Variants in ASAP2 observed in about 807,000 individuals in gnomAD.
The protein encoded by ASAP2 is ArfGAP with SH3 domain, ankyrin repeat and PH domain 2.
ASAP2 carries 45 observed loss-of-function variants against 131.4 expected under a neutral mutation model. The observed-to-expected ratio is 0.34, with a 90% CI of 0.27 to 0.44. The LOEUF (loss-of-function observed/expected upper bound fraction) is 0.44, where lower values mean the gene tolerates loss of function less well. Ranked by LOEUF, ASAP2 falls within the 20% of genes least tolerant of loss-of-function variation. ASAP2 has a pLI of 1.00. For synonymous variants in ASAP2, 510 were observed against 503.0 expected (o/e 1.01, Z -0.19); for missense variants, 1,011 against 1,297.0 (o/e 0.78, Z 3.39).
In ASAP2 at chr2:9,401,252, G is replaced by T. The variant is rs11682319; in HGVS notation, c.2824-22G>T. On this transcript the variant is annotated intron_variant, in intron 26 of 27. Transcript: ENST00000281419. The stretch of plus-strand genomic sequence containing the variant: ...GCTGAGGCCTGCAGCCACACTAACC[G>T]TTGTTCCCTCTCCTGACCCAGACCA... 0.027 allele frequency: 43,100 copies of T among 1,612,890 alleles called. 4,078 individuals are homozygous for T. The African/African-American group carries it at 0.29, about 11-fold the overall frequency.
chr2:9,369,234 G>T (rs1673740868), intron 16 of ASAP2, among the ~76,000 whole-genome samples: 2 of 152,178 alleles, frequency 1.3e-5, no homozygotes, highest in Admixed American at 1.3e-4. Context: ...GGCCAGGCTG[G>T]ACTCGAACTC....
chr2:9,378,086 C>T (rs556400101), intron 18 of ASAP2, among the ~76,000 whole-genome samples: 2 of 152,216 alleles, frequency 1.3e-5, no homozygotes, highest in South Asian at 4.2e-4. Context: ...ATGAAACACA[C>T]CCCCCGCTCC....
In ASAP2 at chr2:9,237,573, G is replaced by A. The variant is rs563801443; in HGVS notation, c.126+30343G>A. ...ACTACAGGTACATGCCACCATGCCT[G>A]GCTAATTACTTTTATTTTTATTTTT... On this transcript the variant is annotated intron_variant, in intron 1 of 27. Transcript: ENST00000281419. Among the ~76,000 whole-genome samples the A allele has an allele frequency of 2.2e-3, 328 of 152,088 alleles. 1 individual carries two copies. The highest frequency in any genetic ancestry group is 0.014 in the Middle Eastern group (4 of 294).
intron 1 of ASAP2, among the ~76,000 whole-genome samples, chr2:9,277,045 A>G (rs1666804531): frequency 6.6e-6 from 1 of 152,192 alleles, no homozygotes; most frequent in African/African-American, 2.4e-5. Flanking sequence ...GCTGGAGCCA[A>G]TGGCAAAGCC....
chr2:9,320,192 T>C, intron 4 of ASAP2, 96 bp from the exon 5 acceptor site: 1 of 1,014,086 alleles, frequency 9.9e-7, no homozygotes, highest in South Asian at 1.4e-5. Context: ...TTGCAGAAAT[T>C]AATGCTCCTT....
intron 1 of ASAP2, among the ~76,000 whole-genome samples, chr2:9,248,173 G>A (rs1477354153): frequency 6.6e-6 from 1 of 152,242 alleles, no homozygotes; most frequent in Non-Finnish European, 1.5e-5. Flanking sequence ...GGCCATCAGT[G>A]TGGTGGCCAG....
At position 9,334,762 on chromosome 2, in the gene ASAP2, C is replaced by G. The variant is rs199972994; in HGVS notation, c.711C>G (p.Ala237=). The G allele has an allele frequency of 1.2e-6, 2 of 1,614,064 alleles. No homozygotes were observed. The highest frequency in any genetic ancestry group is 2.2e-5 in the East Asian group (1 of 44,884). ...QCNFFQDGLK[A]VESLKPSIET... is the part of the protein sequence containing the mutation. ...GTTTTTTTCAGGATGGACTCAAAGCCGTGGAAAGCCTCAAACCTTCCATTG... is the reference window on the plus strand; with the variant it reads ...GTTTTTTTCAGGATGGACTCAAAGCGGTGGAAAGCCTCAAACCTTCCATTG... The change falls in exon 8 of 28, where the codon GCC becomes GCG. Residue 237 remains alanine, a synonymous_variant. Transcript: ENST00000281419.
intron 7 of ASAP2, among the ~76,000 whole-genome samples, chr2:9,333,881 A>G (rs1558340266): frequency 6.6e-6 from 1 of 152,034 alleles, no homozygotes; most frequent in Non-Finnish European, 1.5e-5. Flanking sequence ...ACCTCACAGC[A>G]TTGAGTTCTC....
At chr2:9,313,523 C>G (rs1669450574) in intron 3 of ASAP2, among the ~76,000 whole-genome samples, 3 of 152,226 alleles carry the variant, frequency 2.0e-5, no homozygotes, top group Admixed American at 2.0e-4. Flanking sequence ...CACAACCCAC[C>G]TTATCACTGG....
At chr2:9,399,919 A>G in intron 24 of ASAP2, 104 bp from the exon 25 acceptor site, 2 of 1,203,964 alleles carry the variant, frequency 1.7e-6, no homozygotes, top group Admixed American at 3.8e-5. Flanking sequence ...AAACCACCTC[A>G]CACACTCTGA....
chr2:9,362,229 G>C (rs913119652), intron 15 of ASAP2, among the ~76,000 whole-genome samples: 46 of 152,076 alleles, frequency 3.0e-4, no homozygotes, highest in African/African-American at 1.1e-3. Flanking sequence ...GCTTATTGAA[G>C]TATGTTTTAT....
chr2:9,295,024 G>T (rs972097250), intron 2 of ASAP2, among the ~76,000 whole-genome samples: 3 of 152,146 alleles, frequency 2.0e-5, no homozygotes, highest in African/African-American at 7.2e-5. Flanking sequence ...TTTTGAGATA[G>T]TTTAAAAATA....
At chr2:9,221,643 A>C (rs985090466) in intron 1 of ASAP2, among the ~76,000 whole-genome samples, 5 of 151,910 alleles carry the variant, frequency 3.3e-5, no homozygotes, top group African/African-American at 9.7e-5. Flanking sequence ...TTGTATATTG[A>C]TCTTATGGCC....
At position 9,389,014 on chromosome 2, in the gene ASAP2, C is replaced by T. The variant is rs577638925; in HGVS notation, c.2383+468C>T. On this transcript the variant is annotated intron_variant, in intron 22 of 27. Coordinates refer to ENST00000281419, the MANE Select transcript of ASAP2 (RefSeq NM_003887.3). The surrounding 1 kb of genome is among the most constrained non-coding windows in gnomAD (Gnocchi z 4.7). ...ATAAAAGATATTGGGGAACGATGCT[C>T]GGCCTAATTGTAAAATACAAAACCA... Among the ~76,000 whole-genome samples the T allele has an allele frequency of 3.3e-5, 5 of 152,308 alleles. No homozygotes were observed. The highest frequency in any genetic ancestry group is 9.6e-5 in the African/African-American group (4 of 41,562).
chr2:9,278,617 A>T (rs1253006453), intron 1 of ASAP2, among the ~76,000 whole-genome samples: 1 of 152,160 alleles, frequency 6.6e-6, no homozygotes, highest in African/African-American at 2.4e-5. Flanking sequence ...CGTTGAACAG[A>T]TAACTGTTTG....
At chr2:9,357,593 G>C (rs1051960578) in intron 14 of ASAP2, among the ~76,000 whole-genome samples, 11 of 152,136 alleles carry the variant, frequency 7.2e-5, no homozygotes, top group Admixed American at 2.6e-4. Flanking sequence ...TATGATTTGG[G>C]TGTTTCATAC....
Position 9,400,799 on chromosome 2 carries a change from C to T in ASAP2, c.2792C>T (p.Pro931Leu). ...GPLSNAMVLQ[P>L]PAPMPRKSQA... is the part of the protein sequence containing the mutation. ...CTGTCCAATGCTATGGTCCTGCAGC[C>T]CCCTGCACCCATGCCTAGGAAGTCG... Residue 931 changes from proline to leucine, a missense_variant, in exon 26 of 28, where the codon CCC (proline) becomes CTC (leucine). This residue lies in a region of ASAP2 where 652 missense variants were observed against 698.9 expected (regional missense o/e 0.93). Coordinates refer to ENST00000281419, the MANE Select transcript of ASAP2 (RefSeq NM_003887.3). 1 of 1,613,702 alleles carries T rather than the reference C, an allele frequency of 6.2e-7. No homozygotes were observed. The highest frequency in any genetic ancestry group is 1.1e-5 in the South Asian group (1 of 91,086).
chr2:9,341,297 A>G (rs7596570), intron 9 of ASAP2, among the ~76,000 whole-genome samples: 60,610 of 152,048 alleles, frequency 0.4, 13,138 homozygotes, highest in African/African-American at 0.57. Context: ...CCTAGAGGAT[A>G]CTGAAGTAAT....
At chr2:9,258,706 C>T (rs1227691856) in intron 1 of ASAP2, among the ~76,000 whole-genome samples, 1 of 152,220 alleles carries the variant, frequency 6.6e-6, no homozygotes, top group Non-Finnish European at 1.5e-5. Context: ...GCTGTTGCAA[C>T]TTCTTTAGAT....
Sources: allele counts gnomAD v4.1 joint callset (sites outside exome capture counted in the v4.1 genomes callset), GRCh38; gene constraint gnomAD v4.1.1; regional missense constraint gnomAD v4.1.1; non-coding constraint Gnocchi (gnomAD v3.1); transcripts MANE v1.5; gene names NCBI Gene and HGNC (gene_info 2026-07-23, HGNC 2026-07-21).